CATSPERT: variants seen among roughly 807,000 people sequenced by gnomAD.
CATSPERT encodes the protein cation channel sperm-associated targeting subunit tau.
the CATSPERT span, among the ~76,000 whole-genome samples, chr2:201,611,381 G>A: frequency 6.6e-6 from 1 of 152,122 alleles, no homozygotes; most frequent in Non-Finnish European, 1.5e-5. Flanking sequence ...GGGATCAAAG[G>A]AGATCAAATA....
the CATSPERT span, among the ~76,000 whole-genome samples, chr2:201,613,202 A>C: frequency 1.3e-5 from 2 of 152,252 alleles, no homozygotes; most frequent in Non-Finnish European, 2.9e-5. Context: ...TGAAGAGAGC[A>C]GTGCTTCTCC....
the CATSPERT span, among the ~76,000 whole-genome samples, chr2:201,561,072 C>T: frequency 1.3e-5 from 2 of 152,272 alleles, no homozygotes; most frequent in African/African-American, 2.4e-5. Context: ...TGAGCCACCA[C>T]GCCCGGCCAG....
the CATSPERT span, among the ~76,000 whole-genome samples, chr2:201,561,574 T>C: frequency 6.6e-6 from 1 of 152,146 alleles, no homozygotes; most frequent in African/African-American, 2.4e-5. Context: ...AAATATTATA[T>C]TTAAAAGATA....
the CATSPERT span, chr2:201,547,635 T>G: frequency 2.4e-6 from 3 of 1,274,968 alleles, no homozygotes; most frequent in Non-Finnish European, 3.2e-6. Context: ...AAGTTATGAA[T>G]GAAAAAAGCA....
the CATSPERT span, among the ~76,000 whole-genome samples, chr2:201,525,684 G>A: frequency 6.6e-6 from 1 of 152,050 alleles, no homozygotes; most frequent in South Asian, 2.1e-4. Context: ...CCAAAAGTTG[G>A]TTCTTTGAAA....
the CATSPERT span, among the ~76,000 whole-genome samples, chr2:201,489,444 A>G: frequency 6.6e-6 from 1 of 152,286 alleles, no homozygotes; most frequent in African/African-American, 2.4e-5. Context: ...AAGTTTCCGA[A>G]TTTAGATAGA....
the CATSPERT span, among the ~76,000 whole-genome samples, chr2:201,541,513 C>T: frequency 4.4e-5 from 6 of 137,272 alleles, no homozygotes; most frequent in Admixed American, 4.6e-4. Context: ...TTGCAACTCA[C>T]TGAAGGCTCA....
the CATSPERT span, among the ~76,000 whole-genome samples, chr2:201,583,958 A>T: frequency 6.6e-6 from 1 of 152,184 alleles, no homozygotes; most frequent in Admixed American, 6.5e-5. Context: ...AACTAAAACA[A>T]TTGAATAAAA....
the CATSPERT span, chr2:201,545,583 A>G: frequency 3.5e-5 from 50 of 1,412,028 alleles, no homozygotes; most frequent in Middle Eastern, 6.6e-4. Context: ...CAGGATGATT[A>G]CTTTTCGTGT....
chr2:201,611,233 T>C, the CATSPERT span, among the ~76,000 whole-genome samples: 1 of 152,014 alleles, frequency 6.6e-6, no homozygotes, highest in Non-Finnish European at 1.5e-5. Context: ...TACAAAAAAC[T>C]CCTCTATCTG....
chr2:201,607,608 C>T, the CATSPERT span, among the ~76,000 whole-genome samples: 1 of 152,074 alleles, frequency 6.6e-6, no homozygotes, highest in Non-Finnish European at 1.5e-5. Context: ...TGCCACAGCA[C>T]TCCAGCCTGG....
At chr2:201,584,602 G>C in the CATSPERT span, among the ~76,000 whole-genome samples, 2 of 151,862 alleles carry the variant, frequency 1.3e-5, no homozygotes, top group African/African-American at 4.8e-5. Flanking sequence ...GACCAACATG[G>C]TGAAACCCCA....
At chr2:201,513,024 A>T in the CATSPERT span, among the ~76,000 whole-genome samples, 1 of 151,914 alleles carries the variant, frequency 6.6e-6, no homozygotes, top group Admixed American at 6.6e-5. Flanking sequence ...TGGCACATGT[A>T]TACATATGTA....
chr2:201,547,508 A>C, the CATSPERT span: 1 of 1,499,440 alleles, frequency 6.7e-7, no homozygotes, highest in Non-Finnish European at 9.1e-7. Flanking sequence ...CAATTACCTC[A>C]GAATCCTTAT....
chr2:201,581,196 A>C, the CATSPERT span, among the ~76,000 whole-genome samples: 4 of 151,422 alleles, frequency 2.6e-5, no homozygotes, highest in African/African-American at 9.7e-5. Context: ...ATTTGAACTC[A>C]GGAGTACGAG....
chr2:201,596,340 C>T, the CATSPERT span, among the ~76,000 whole-genome samples: 3 of 152,254 alleles, frequency 2.0e-5, no homozygotes, highest in Non-Finnish European at 4.4e-5. Flanking sequence ...AAAACAAATG[C>T]TACATGTTCT....
chr2:201,618,974 A>G, the CATSPERT span: 1 of 1,613,914 alleles, frequency 6.2e-7, no homozygotes, highest in Non-Finnish European at 8.5e-7. Flanking sequence ...TTCAGGGCGT[A>G]AGGGACCGAA....
At chr2:201,582,511 T>C in the CATSPERT span, among the ~76,000 whole-genome samples, 1 of 152,264 alleles carries the variant, frequency 6.6e-6, no homozygotes, top group Admixed American at 6.5e-5. Flanking sequence ...ACCTACATTC[T>C]CTTTTTAACA....
chr2:201,581,595 C>T, the CATSPERT span, among the ~76,000 whole-genome samples: 800 of 17,358 alleles, frequency 0.046, 19 homozygotes, highest in Non-Finnish European at 0.054. Context: ...TATATATATA[C>T]ACATACATAT....
Sources: gnomAD v4.1 joint callset for allele counts (sites outside exome capture counted in the v4.1 genomes callset) on GRCh38, gnomAD v4.1.1 for gene constraint, MANE v1.5 for transcripts, NCBI Gene and HGNC (gene_info 2026-07-23, HGNC 2026-07-21) for gene names.